The following AR variants were observed in gnomAD, a reference collection of about 807,000 sequenced individuals.
The protein encoded by AR is dihydrotestosterone receptor.
AR carries 8 observed loss-of-function variants against 53.9 expected under a neutral mutation model. The ratio of observed to expected loss-of-function variants is 0.15; its 90% confidence interval spans 0.09 to 0.27. The LOEUF is 0.27. AR is among the 10% of genes least tolerant of loss of function. AR has a pLI of 1.00. For missense variants in AR, 639 were observed against 742.5 expected (o/e 0.86, Z 1.62); for synonymous variants, 359 against 316.4 (o/e 1.13, Z -1.43).
At chrX:67,715,126 A>C (rs2076107965) in intron 4 of AR, among the ~76,000 whole-genome samples, 1 of 111,364 alleles carries the variant, frequency 9.0e-6, no homozygotes, top group Admixed American at 9.6e-5. Context: ...ATTCCACCAG[A>C]AGACCAAGGT....
At chrX:67,614,453 G>A (rs186473175) in intron 1 of AR, among the ~76,000 whole-genome samples, 3 of 111,618 alleles carry the variant, frequency 2.7e-5, no homozygotes, top group Non-Finnish European at 5.7e-5. Flanking sequence ...TGGGATGCCA[G>A]TCTCAACCAT....
Position 67,728,577 on chromosome X carries a change from A to ATATG in AR, c.*4739_*4740insGTAT, listed in dbSNP as rs2076167597. 1.5e-5 allele frequency: 1 copy of ATATG among 68,916 alleles called. No individual in the cohort carries two copies. Among genetic ancestry groups the ATATG allele is most frequent in the Non-Finnish European group, 2.9e-5 (1 of 34,839 alleles). The allele number at this position is 68,916 out of a possible 1,213,427, so 5.7% of individuals were successfully genotyped here. A position where few individuals can be genotyped will look rare whatever the true frequency, so the allele number is the denominator to read the frequency against. Reference sequence around the variant, plus strand: ...TGTATCCATGTTTCAAAATTGAAATATATATATATATATATATATATATAT... The same window carrying ATATG: ...TGTATCCATGTTTCAAAATTGAAATATATGTATATATATATATATATATATATAT... On this transcript the variant is annotated 3_prime_UTR_variant, in exon 8 of 8. Coordinates refer to ENST00000374690, the MANE Select transcript of AR (RefSeq NM_000044.6).
chrX:67,720,879 TACACAC>T lies in AR; in HGVS notation c.2319-929_2319-924del, dbSNP rs113739371. On this transcript the variant is annotated intron_variant, in intron 5 of 7. Coordinates refer to ENST00000374690, the MANE Select transcript of AR (RefSeq NM_000044.6). ...CACGCTGCACAATCAATTTCTGTCT[TACACAC>T]ACACACACACACACACACACACACG... 3.2e-3 allele frequency among the ~76,000 whole-genome samples: 319 copies of T among 100,800 alleles called. 2 individuals are homozygous for T. Among genetic ancestry groups the T allele is most frequent in the Admixed American group, 4.2e-3 (39 of 9,371 alleles). 87.5% of individuals were successfully genotyped at this position (100,800 alleles called of 115,157 possible). A position where few individuals can be genotyped will look rare whatever the true frequency, so the allele number is the denominator to read the frequency against.
chrX:67,637,265 G>A (rs1340542535), intron 1 of AR, among the ~76,000 whole-genome samples: 3 of 105,551 alleles, frequency 2.8e-5, no homozygotes, highest in African/African-American at 1.0e-4. Context: ...CCATGTTGGT[G>A]TGCTGCACCC....
intron 1 of AR, chrX:67,568,708 C>G: frequency 4.2e-6 from 1 of 240,800 alleles, no homozygotes; most frequent in Non-Finnish European, 5.9e-6. Context: ...TGGCAATTAA[C>G]AAGGCAGTAA....
intron 2 of AR, among the ~76,000 whole-genome samples, chrX:67,655,591 G>A (rs997895873): frequency 9.0e-6 from 1 of 111,221 alleles, no homozygotes; most frequent in African/African-American, 3.3e-5. Context: ...AGATATTCAA[G>A]TACTCTCTAC....
chrX:67,662,332 G>A (rs1323100465), intron 2 of AR, among the ~76,000 whole-genome samples: 1 of 110,428 alleles, frequency 9.1e-6, no homozygotes, highest in African/African-American at 3.3e-5. Context: ...GGCATTTAGT[G>A]CTATAAATTT....
At position 67,698,350 on chromosome X, in the gene AR, A is replaced by G. The variant is rs1646316542; in HGVS notation, c.1885+12224A>G. Among the ~76,000 whole-genome samples, 3 of 112,555 alleles carry G rather than the reference A, an allele frequency of 2.7e-5. No individual in the cohort carries two copies. In the Admixed American group the frequency reaches 2.8e-4, roughly 11 times the overall value. ...CCAGAGGCCACAAACTGGCTTCCCC[A>G]GAGCCAGAATTCACCTGCAGAATTC... is the stretch of plus-strand genomic sequence containing the variant. On this transcript the variant is annotated intron_variant, in intron 3 of 7. Transcript: ENST00000374690.
chrX:67,722,017 G>C, intron 6 of AR, 54 bp downstream of exon 6: 2 of 1,191,860 alleles, frequency 1.7e-6, no homozygotes, highest in Non-Finnish European at 2.3e-6. Context: ...GATTCAGAGA[G>C]GACCACTTTT....
intron 1 of AR, among the ~76,000 whole-genome samples, chrX:67,580,793 CTTA>C (rs1922263238): frequency 9.0e-6 from 1 of 111,080 alleles, no homozygotes; most frequent in African/African-American, 3.3e-5. Context: ...TGTTCTGTTG[CTTA>C]TTATCCATTT....
intron 1 of AR, among the ~76,000 whole-genome samples, chrX:67,591,210 C>T (rs184755254): frequency 3.6e-5 from 4 of 111,037 alleles, no homozygotes; most frequent in African/African-American, 1.3e-4. Flanking sequence ...AGAAAAGCGA[C>T]CTGTCAACTT....
At position 67,625,900 on chromosome X, in the gene AR, T is replaced by A. The variant is rs759474222; in HGVS notation, c.1617-17356T>A. Among the ~76,000 whole-genome samples the A allele has an allele frequency of 4.8e-3, 532 of 109,848 alleles. 5 individuals are homozygous for A. Among genetic ancestry groups the A allele is most frequent in the African/African-American group, 0.015 (451 of 30,340 alleles). On this transcript the variant is annotated intron_variant, in intron 1 of 7. Transcript: ENST00000374690. Reference sequence around the variant, plus strand: ...AGCACAAGCAATAAGAGAAAAAAAATTTTTTTAAAAAAACCCTTGATTATT... The same window carrying A: ...AGCACAAGCAATAAGAGAAAAAAAAATTTTTTAAAAAAACCCTTGATTATT...
At chrX:67,569,696 C>T (rs1440648407) in intron 1 of AR, among the ~76,000 whole-genome samples, 2 of 111,272 alleles carry the variant, frequency 1.8e-5, no homozygotes, top group Non-Finnish European at 3.8e-5. Context: ...ATCTCTCACT[C>T]CAGGCCACTG....
At chrX:67,660,848 A>C (rs1926864264) in intron 2 of AR, among the ~76,000 whole-genome samples, 1 of 111,896 alleles carries the variant, frequency 8.9e-6, no homozygotes, top group African/African-American at 3.3e-5. Context: ...ACCCATGAGC[A>C]TGGAATGTTC....
chrX:67,670,646 G>A (rs963160511), intron 2 of AR, among the ~76,000 whole-genome samples: 19 of 109,282 alleles, frequency 1.7e-4, no homozygotes, highest in African/African-American at 5.6e-4. Flanking sequence ...TGTGCAGAAC[G>A]TGCAGGTTTC....
intron 5 of AR, among the ~76,000 whole-genome samples, chrX:67,719,952 C>A (rs1381916433): frequency 8.9e-6 from 1 of 112,108 alleles, no homozygotes; most frequent in Non-Finnish European, 1.9e-5. Context: ...TTTTTTCTTT[C>A]TTTCTCTCTT....
intron 1 of AR, among the ~76,000 whole-genome samples, chrX:67,627,445 G>T (rs1023145606): frequency 1.8e-5 from 2 of 112,089 alleles, no homozygotes; most frequent in Non-Finnish European, 3.8e-5. Flanking sequence ...AGAAGTGTCT[G>T]TTCATATCCT....
chrX:67,660,315 T>A (rs1274851525), intron 2 of AR, among the ~76,000 whole-genome samples: 1 of 111,874 alleles, frequency 8.9e-6, no homozygotes, highest in Non-Finnish European at 1.9e-5. Context: ...TGGTATTGCG[T>A]AGGTTTTCTT....
chrX:67,678,064 T>C (rs779409252), intron 2 of AR, among the ~76,000 whole-genome samples: 1 of 110,823 alleles, frequency 9.0e-6, no homozygotes, highest in Non-Finnish European at 1.9e-5. Context: ...GAGTTTCAGT[T>C]TCTCAATCTG....
Sources: gnomAD v4.1 joint callset for allele counts (sites outside exome capture counted in the v4.1 genomes callset) on GRCh38, gnomAD v4.1.1 for gene constraint, MANE v1.5 for transcripts, NCBI Gene and HGNC (gene_info 2026-07-23, HGNC 2026-07-21) for gene names.